COL6A6: variants seen among roughly 807,000 people sequenced by gnomAD.
The protein encoded by COL6A6 is collagen alpha-6(VI) chain.
A neutral mutation model predicts 208.6 loss-of-function variants in COL6A6; 183 were observed. The observed-to-expected ratio is 0.88, with a 90% CI of 0.78 to 0.99. The LOEUF is 0.99. COL6A6 is among the 50% of genes least tolerant of loss of function. COL6A6 has a pLI of 0.00. For synonymous variants in COL6A6, 973 were observed against 1,011.8 expected, an observed-to-expected ratio of 0.96 and a Z score of 0.73; for missense variants, 2,816 against 2,815.2, an observed-to-expected ratio of 1.00 and a Z score of -0.01.
At chr3:130,627,409 T>C (rs775858434) in intron 26 of COL6A6, 40 bp downstream of exon 26, 3 of 1,596,822 alleles carry the variant, frequency 1.9e-6, no homozygotes, top group Non-Finnish European at 2.6e-6. Flanking sequence ...TTTCCATTTA[T>C]TTTTTGTTGC....
At chr3:130,584,233 G>T (rs1245633341) in intron 10 of COL6A6, among the ~76,000 whole-genome samples, 1 of 152,118 alleles carries the variant, frequency 6.6e-6, no homozygotes, top group East Asian at 1.9e-4. Flanking sequence ...ATAAATAATA[G>T]TTATATGCAT....
At chr3:130,668,169 T>A (rs1270661841) in intron 36 of COL6A6, among the ~76,000 whole-genome samples, 1 of 151,906 alleles carries the variant, frequency 6.6e-6, no homozygotes, top group Non-Finnish European at 1.5e-5. Flanking sequence ...GGATTTGATT[T>A]TGAAAACAAA....
chr3:130,526,320 A>G (rs1461563391), intron 1 of COL6A6, among the ~76,000 whole-genome samples: 1 of 152,016 alleles, frequency 6.6e-6, no homozygotes, highest in Non-Finnish European at 1.5e-5. Flanking sequence ...GGGCTTGTTC[A>G]TGGAATGCAA....
intron 6 of COL6A6, among the ~76,000 whole-genome samples, chr3:130,569,123 G>C (rs1379903947): frequency 3.3e-5 from 5 of 152,140 alleles, no homozygotes; most frequent in Non-Finnish European, 7.4e-5. Flanking sequence ...GGTTGCTGAG[G>C]CAGCCCTGGC....
At chr3:130,635,487 C>G (rs1280441028) in intron 27 of COL6A6, among the ~76,000 whole-genome samples, 2 of 152,142 alleles carry the variant, frequency 1.3e-5, no homozygotes, top group Non-Finnish European at 2.9e-5. Flanking sequence ...AGTGTTCTCA[C>G]TGGGGAGACA....
intron 34 of COL6A6, among the ~76,000 whole-genome samples, chr3:130,659,078 T>C (rs1314426533): frequency 1.3e-5 from 2 of 152,242 alleles, no homozygotes; most frequent in East Asian, 3.8e-4. Context: ...GTTTTTATGC[T>C]ATAAAGTATA....
chr3:130,520,977 G>A (rs1470797792), intron 1 of COL6A6, among the ~76,000 whole-genome samples: 1 of 152,194 alleles, frequency 6.6e-6, no homozygotes, highest in Non-Finnish European at 1.5e-5. Context: ...TGGTAGAGGG[G>A]AGGGAAGAAG....
At chr3:130,673,502 G>A (rs952609397) in intron 36 of COL6A6, among the ~76,000 whole-genome samples, 8 of 152,068 alleles carry the variant, frequency 5.3e-5, no homozygotes, top group South Asian at 2.1e-4. Context: ...GGGACGCAGC[G>A]TGAAGGGGCT....
In COL6A6 at chr3:130,565,610, A is replaced by G. The variant is rs1271954264; in HGVS notation, c.1278A>G (p.Lys426=). 4.3e-6 allele frequency: 7 copies of G among 1,609,214 alleles called. No homozygotes were observed. The highest frequency in any genetic ancestry group is 5.1e-6 in the Non-Finnish European group (6 of 1,177,614). Reference sequence around the variant, plus strand: ...TTTCAGAGAGGACTGAAACGCTCAAATCTGGTAAGGTCTTCTGCTGAAAGA... The same window carrying G: ...TTTCAGAGAGGACTGAAACGCTCAAGTCTGGTAAGGTCTTCTGCTGAAAGA... ...SVFSERTETL[K]SGCVDTEEAD... Residue 426 remains lysine (K), a synonymous_variant, in exon 4 of 37, where the codon AAA becomes AAG. Coordinates refer to ENST00000358511, the MANE Select transcript of COL6A6 (RefSeq NM_001102608.3).
chr3:130,575,512 T>C (rs1237715705), intron 8 of COL6A6, among the ~76,000 whole-genome samples: 3 of 152,210 alleles, frequency 2.0e-5, no homozygotes, highest in Admixed American at 1.3e-4. Flanking sequence ...TCCATCCCAG[T>C]GTAATGTTAA....
At chr3:130,560,945 C>T (rs1033445500) in intron 2 of COL6A6, among the ~76,000 whole-genome samples, 2 of 151,646 alleles carry the variant, frequency 1.3e-5, no homozygotes, top group Non-Finnish European at 2.9e-5. Context: ...CTCACCATCT[C>T]CTAAATAATT....
In COL6A6 at chr3:130,553,024, G is replaced by A. The variant is rs114124437; in HGVS notation, c.-31-7310G>A. On this transcript the variant is annotated intron_variant, in intron 1 of 36. Coordinates refer to ENST00000358511, the MANE Select transcript of COL6A6 (RefSeq NM_001102608.3). ...CTGCTGAAACATCTGCTGTTAGCCT[G>A]GTGGGTTCCCTTTGTACATGACCTG... 9.2e-3 allele frequency among the ~76,000 whole-genome samples: 1,402 copies of A among 152,300 alleles called. 24 individuals are homozygous for A. The highest frequency in any genetic ancestry group is 0.031 in the African/African-American group (1,272 of 41,558).
chr3:130,622,985 GAGA>G (rs978043980), intron 24 of COL6A6, among the ~76,000 whole-genome samples: 1 of 152,122 alleles, frequency 6.6e-6, no homozygotes, highest in Non-Finnish European at 1.5e-5. Flanking sequence ...AAAATCCTGA[GAGA>G]AGAGGAGGTA....
At chr3:130,531,687 TCCATTGAAACC>T (rs2062100419) in intron 1 of COL6A6, among the ~76,000 whole-genome samples, 1 of 152,150 alleles carries the variant, frequency 6.6e-6, no homozygotes. Flanking sequence ...TTTGTCCTTC[TCCATTGAAACC>T]CCTTGAAGGC....
At chr3:130,649,016 CTT>C (rs72391450) in intron 32 of COL6A6, 51 bp from the exon 33 acceptor site, 1,763 of 1,107,780 alleles carry the variant, frequency 1.6e-3, no homozygotes, top group South Asian at 3.4e-3. Flanking sequence ...TTCTATGTAT[CTT>C]TTTTTTTTTT....
intron 18 of COL6A6, among the ~76,000 whole-genome samples, chr3:130,595,667 A>G (rs1183972447): frequency 1.3e-5 from 2 of 152,186 alleles, no homozygotes; most frequent in Non-Finnish European, 2.9e-5. Flanking sequence ...ATTGCATAGT[A>G]TTTCATTGTG....
chr3:130,575,871 T>C (rs1287966152), intron 8 of COL6A6, among the ~76,000 whole-genome samples: 2 of 152,062 alleles, frequency 1.3e-5, no homozygotes, highest in African/African-American at 4.8e-5. Flanking sequence ...CCAAGCCACC[T>C]TTGTCTAAAG....
chr3:130,587,403 C>T (rs1456260760), intron 11 of COL6A6, among the ~76,000 whole-genome samples: 1 of 152,042 alleles, frequency 6.6e-6, no homozygotes, highest in Admixed American at 6.6e-5. Context: ...CTGGGATTAC[C>T]GGCGCCCGCC....
At chr3:130,599,593 T>G (rs1416391753) in intron 19 of COL6A6, among the ~76,000 whole-genome samples, 164 bp from the exon 20 acceptor site, 1 of 152,184 alleles carries the variant, frequency 6.6e-6, no homozygotes, top group Non-Finnish European at 1.5e-5. Context: ...TATATAGAAA[T>G]GTGACTTATG....
Sources: allele counts gnomAD v4.1 joint callset (sites outside exome capture counted in the v4.1 genomes callset), GRCh38; gene constraint gnomAD v4.1.1; transcripts MANE v1.5; gene names NCBI Gene and HGNC (gene_info 2026-07-23, HGNC 2026-07-21).